BCKDHA: variants seen among roughly 807,000 people sequenced by gnomAD.
BCKDHA encodes the protein 2-oxoisovalerate dehydrogenase subunit alpha, mitochondrial.
Under a neutral mutation model 52.2 loss-of-function variants are expected in BCKDHA, and 43 were observed. That is an observed-to-expected ratio of 0.82 (90% CI 0.64 to 1.06). The LOEUF (loss-of-function observed/expected upper bound fraction) is 1.06, where lower values mean the gene tolerates loss of function less well. BCKDHA is among the 50% of genes least tolerant of loss of function. The pLI is 0.00. For synonymous variants in BCKDHA, 234 were observed against 247.9 expected (o/e 0.94, Z 0.53); for missense variants, 527 against 621.3 (o/e 0.85, Z 1.61).
chr19:41,419,112 A>T (rs1231973907), intron 4 of BCKDHA, 23 bp from the exon 5 acceptor site: 5 of 1,614,010 alleles, frequency 3.1e-6, no homozygotes, highest in Non-Finnish European at 4.2e-6. Flanking sequence ...CACTCGGCTA[A>T]CCATTGCCTC....
Position 41,423,148 on chromosome 19 carries a change from G to A in BCKDHA, c.1146G>A (p.Trp382Ter). Residue 382 changes from tryptophan (W) to a stop codon, truncating the protein, a stop_gained, in exon 8 of 9, where the codon TGG (tryptophan) becomes TGA (stop). Transcript: ENST00000269980. LOFTEE classifies it high-confidence loss of function. ...GGGATGAGGAGCAGGAGAAGGCCTG[G>A]AGGAAGCAGTCCCGCAGGAAGGTGA... ...GWWDEEQEKA[W>*]RKQSRRKVME... 1 of 1,556,932 alleles carries A rather than the reference G, an allele frequency of 6.4e-7. No individual in the cohort carries two copies. Among genetic ancestry groups the A allele is most frequent in the Non-Finnish European group, 8.7e-7 (1 of 1,150,470 alleles).
rs757986569 is a variant in BCKDHA at position 41,422,972 on chromosome 19, A to G, written c.996-26A>G. On this transcript the variant is annotated intron_variant, in intron 7 of 8. Coordinates refer to ENST00000269980, the MANE Select transcript of BCKDHA (RefSeq NM_000709.4). ...CCCCCACTCCAGGGAGCCCACACTG[A>G]CCTGGGGCCCCTTGCCCCTGTGCAG... is the stretch of plus-strand genomic sequence containing the variant. The G allele has an allele frequency of 1.6e-5, 25 of 1,603,140 alleles. No individual in the cohort carries two copies. Among genetic ancestry groups the G allele is most frequent in the African/African-American group, 2.7e-5 (2 of 74,352 alleles).
intron 5 of BCKDHA, among the ~76,000 whole-genome samples, chr19:41,420,090 C>G (rs1283594001): frequency 6.6e-6 from 1 of 152,130 alleles, no homozygotes; most frequent in Non-Finnish European, 1.5e-5. Context: ...TTGAATGCAC[C>G]TCTTGTCTGG....
chr19:41,404,146 AT>A (rs2039167673), intron 1 of BCKDHA, among the ~76,000 whole-genome samples: 1 of 151,356 alleles, frequency 6.6e-6, no homozygotes, highest in Non-Finnish European at 1.5e-5. Flanking sequence ...TGCCTGGCTA[AT>A]TTTTGTGTCT....
At chr19:41,422,928 C>A (rs1345465511) in intron 7 of BCKDHA, 70 bp from the exon 8 acceptor site, 1 of 1,567,214 alleles carries the variant, frequency 6.4e-7, no homozygotes, top group Admixed American at 1.9e-5. Context: ...CCTAGTTCAT[C>A]CCCCATCCTC....
intron 1 of BCKDHA, among the ~76,000 whole-genome samples, chr19:41,410,425 G>C (rs770637712): frequency 6.6e-6 from 1 of 152,176 alleles, no homozygotes; most frequent in Non-Finnish European, 1.5e-5. Context: ...TTTTCAGATG[G>C]GGAAACTGAG....
chr19:41,398,893 C>T (rs1020705430), intron 1 of BCKDHA, among the ~76,000 whole-genome samples: 1 of 152,124 alleles, frequency 6.6e-6, no homozygotes, highest in Admixed American at 6.6e-5. Flanking sequence ...AAAATATTAA[C>T]AGTGGCCACC....
chr19:41,416,116 G>A (rs897786452), intron 4 of BCKDHA, among the ~76,000 whole-genome samples: 4 of 151,978 alleles, frequency 2.6e-5, no homozygotes, highest in African/African-American at 7.3e-5. Context: ...GCTAATTTTT[G>A]TATTTTTAGT....
At position 41,424,976 on chromosome 19, in the gene BCKDHA, A is replaced by C; in HGVS notation, c.*368A>C. 4.8e-6 allele frequency: 1 copy of C among 207,600 alleles called. No individual in the cohort carries two copies. The highest frequency in any genetic ancestry group is 9.7e-6 in the Non-Finnish European group (1 of 102,610). The allele number at this position is 207,600 out of a possible 1,614,324, so 12.9% of individuals were successfully genotyped here. ...GAGTGGCCAGCAGAGGTCACGAATA[A>C]ACTGCATCTCTGCGCCTGGCTCTCT... is the stretch of plus-strand genomic sequence containing the variant. On this transcript the variant is annotated 3_prime_UTR_variant, in exon 9 of 9. Transcript: ENST00000269980.
chr19:41,398,640 G>A (rs1419100990), intron 1 of BCKDHA, among the ~76,000 whole-genome samples: 1 of 152,130 alleles, frequency 6.6e-6, no homozygotes, highest in Non-Finnish European at 1.5e-5. Flanking sequence ...TTGTCAAAAG[G>A]GTCACAATCC....
chr19:41,417,746 G>A (rs2039320502), intron 4 of BCKDHA, among the ~76,000 whole-genome samples: 1 of 151,922 alleles, frequency 6.6e-6, no homozygotes, highest in South Asian at 2.1e-4. Flanking sequence ...CCAACATGGA[G>A]AAACCCCGTC....
intron 3 of BCKDHA, among the ~76,000 whole-genome samples, chr19:41,412,743 G>A (rs926695451): frequency 1.1e-4 from 16 of 151,188 alleles, no homozygotes; most frequent in African/African-American, 2.9e-4. Flanking sequence ...CACCTCTGTC[G>A]CCCAGGCTGG....
chr19:41,407,458 T>G (rs2039205700), intron 1 of BCKDHA, among the ~76,000 whole-genome samples: 1 of 152,100 alleles, frequency 6.6e-6, no homozygotes, highest in African/African-American at 2.4e-5. Flanking sequence ...GTGGTGTGTG[T>G]GGGAGACAGA....
intron 4 of BCKDHA, among the ~76,000 whole-genome samples, chr19:41,417,540 C>A (rs1188058998): frequency 6.6e-6 from 1 of 152,192 alleles, no homozygotes; most frequent in Non-Finnish European, 1.5e-5. Context: ...TGTATTATGT[C>A]CATTCAAAAG....
At chr19:41,415,946 CTTT>C (rs34933875) in intron 4 of BCKDHA, among the ~76,000 whole-genome samples, 2 of 137,170 alleles carry the variant, frequency 1.5e-5, no homozygotes, top group South Asian at 2.3e-4. Context: ...CATGCCTGGC[CTTT>C]TTTTTTTTTT....
At position 41,405,939 on chromosome 19, in the gene BCKDHA, C is replaced by T. The variant is rs578047147; in HGVS notation, c.109-4698C>T. Among the ~76,000 whole-genome samples the T allele has an allele frequency of 3.9e-4, 60 of 152,302 alleles. No homozygotes were observed. The South Asian group carries it at 6.2e-3, about 16-fold the overall frequency. On this transcript the variant is annotated intron_variant, in intron 1 of 8. Transcript: ENST00000269980. ...CTGTGCAGCCTCTGCCATTGTAAAT[C>T]ACTGGCCACCGGGACAGACTCCCCC...
chr19:41,421,305 G>A (rs1568507558), intron 5 of BCKDHA, among the ~76,000 whole-genome samples: 1 of 152,310 alleles, frequency 6.6e-6, no homozygotes, highest in East Asian at 1.9e-4. Context: ...TGGTGGGGGA[G>A]ACGGACAGTA....
chr19:41,423,930 T>C lies in BCKDHA; in HGVS notation c.1168-508T>C, dbSNP rs370316401. 2.6e-3 allele frequency among the ~76,000 whole-genome samples: 389 copies of C among 152,036 alleles called. 6 individuals are homozygous for C. Among genetic ancestry groups the C allele is most frequent in the African/African-American group, 8.9e-3 (368 of 41,420 alleles). On this transcript the variant is annotated intron_variant, in intron 8 of 8. Transcript: ENST00000269980. ...ATCGCTTGAACCCGGGAGGTGGAAC[T>C]TGCAGTGATTGGAGATGGCGCCACT...
intron 1 of BCKDHA, among the ~76,000 whole-genome samples, chr19:41,406,869 C>T (rs2039199095): frequency 6.6e-6 from 1 of 152,186 alleles, no homozygotes. Context: ...CACGCCCAGC[C>T]TTCCTGGCTA....
Sources: gnomAD v4.1 joint callset for allele counts (sites outside exome capture counted in the v4.1 genomes callset) on GRCh38, gnomAD v4.1.1 for gene constraint, MANE v1.5 for transcripts, NCBI Gene and HGNC (gene_info 2026-07-23, HGNC 2026-07-21) for gene names.